Variants in UHRF2 observed in about 807,000 individuals in gnomAD.
UHRF2 encodes the protein ubiquitin like with PHD and ring finger domains 2, also known as E3 ubiquitin-protein ligase UHRF2.
Under a neutral mutation model 96.8 loss-of-function variants are expected in UHRF2, and 23 were observed. The ratio of observed to expected loss-of-function variants is 0.24; its 90% CI spans 0.17 to 0.34. The LOEUF (loss-of-function observed/expected upper bound fraction) is 0.34. UHRF2 is among the 10% of genes least tolerant of loss of function. UHRF2 has a pLI of 1.00. For missense variants in UHRF2, 685 were observed against 981.5 expected, an observed-to-expected ratio of 0.70 and a Z score of 4.04; for synonymous variants, 385 against 332.6, an observed-to-expected ratio of 1.16 and a Z score of -1.72.
At chr9:6,466,876 A>G (rs896202825) in intron 4 of UHRF2, among the ~76,000 whole-genome samples, 2 of 152,240 alleles carry the variant, frequency 1.3e-5, no homozygotes, top group African/African-American at 4.8e-5. Flanking sequence ...TTCTCTGCTC[A>G]AAAGTATCTT....
At chr9:6,440,924 A>T (rs1821124627) in intron 3 of UHRF2, among the ~76,000 whole-genome samples, 1 of 152,130 alleles carries the variant, frequency 6.6e-6, no homozygotes, top group Admixed American at 6.6e-5. Context: ...AGTTGTAATG[A>T]TTCTAATCAT....
At chr9:6,420,884 A>G (rs780914530) in intron 1 of UHRF2, 28 bp from the exon 2 acceptor site, 1 of 1,556,146 alleles carries the variant, frequency 6.4e-7, no homozygotes, top group Non-Finnish European at 8.9e-7. Flanking sequence ...TTAGAGAAGC[A>G]TTTCACTATT....
chr9:6,457,468 C>T (rs58718382), intron 3 of UHRF2, among the ~76,000 whole-genome samples: 4,056 of 152,094 alleles, frequency 0.027, 186 homozygotes, highest in African/African-American at 0.093. Context: ...ACAATTTGAC[C>T]TCCTCTTTTC....
intron 2 of UHRF2, among the ~76,000 whole-genome samples, chr9:6,421,873 AATT>A (rs1819951440): frequency 6.6e-6 from 1 of 152,120 alleles, no homozygotes; most frequent in Non-Finnish European, 1.5e-5. Context: ...TCTGTATTTG[AATT>A]TTATATAATG....
intron 8 of UHRF2, among the ~76,000 whole-genome samples, chr9:6,486,436 T>C (rs1824293921): frequency 6.6e-6 from 1 of 152,230 alleles, no homozygotes; most frequent in African/African-American, 2.4e-5. Flanking sequence ...AGGGCCACTA[T>C]CCAAGACTAG....
Position 6,498,173 on chromosome 9 carries a change from G to C in UHRF2, c.1908+15G>C. The C allele has an allele frequency of 6.2e-7, 1 of 1,611,042 alleles. No homozygotes were observed. The highest frequency in any genetic ancestry group is 8.5e-7 in the Non-Finnish European group (1 of 1,178,890). The stretch of plus-strand genomic sequence containing the variant: ...TACGTTTACAGGTTAGATTACATTT[G>C]TCTAGGCTGCCTGTGTGTTCATAAA... On this transcript the variant is annotated intron_variant, in intron 12 of 15. Coordinates refer to ENST00000276893, the MANE Select transcript of UHRF2 (RefSeq NM_152896.3).
At chr9:6,497,869 A>G (rs1825064601) in intron 11 of UHRF2, 149 bp from the exon 12 acceptor site, 1 of 935,688 alleles carries the variant, frequency 1.1e-6, no homozygotes, top group African/African-American at 1.7e-5. Flanking sequence ...AAACTGTTTT[A>G]GTGAATATTC....
At chr9:6,505,955 C>G in intron 15 of UHRF2, 78 bp from the exon 16 acceptor site, 4 of 1,488,520 alleles carry the variant, frequency 2.7e-6, no homozygotes, top group Middle Eastern at 1.8e-4. Flanking sequence ...TTTCTGGTTC[C>G]TATTTAAAAG....
At chr9:6,484,977 G>T (rs1377611813) in intron 8 of UHRF2, among the ~76,000 whole-genome samples, 1 of 151,542 alleles carries the variant, frequency 6.6e-6, no homozygotes, top group African/African-American at 2.4e-5. Context: ...ATTTTTAGTA[G>T]AGATGGGGTT....
chr9:6,502,295 G>A (rs961802196), intron 14 of UHRF2, among the ~76,000 whole-genome samples: 3 of 152,174 alleles, frequency 2.0e-5, no homozygotes, highest in Admixed American at 2.0e-4. Context: ...AAACATGCTC[G>A]ACGTCTTGAT....
chr9:6,419,530 CTT>C (rs1277457078), intron 1 of UHRF2, among the ~76,000 whole-genome samples: 1 of 151,924 alleles, frequency 6.6e-6, no homozygotes, highest in Non-Finnish European at 1.5e-5. Flanking sequence ...ACATATTTGA[CTT>C]AATGTGTTTT....
At chr9:6,500,312 A>G (rs1816219825) in intron 13 of UHRF2, among the ~76,000 whole-genome samples, 1 of 152,152 alleles carries the variant, frequency 6.6e-6, no homozygotes, top group Non-Finnish European at 1.5e-5. Context: ...ATAAATTGAG[A>G]CTTAAATGAA....
rs1452880916 is a variant in UHRF2, at chr9:6,504,656, C to A, written c.2227C>A (p.Pro743Thr). 6.2e-7 allele frequency: 1 copy of A among 1,613,758 alleles called. No homozygotes were observed. The highest frequency in any genetic ancestry group is 8.5e-7 in the Non-Finnish European group (1 of 1,179,788). ...TTGCTGTCAGGAGCTAGTTTACCAGCCTGTGACAACTGAGTGCTTCCACAA... is the reference window on the plus strand; with the variant it reads ...TTGCTGTCAGGAGCTAGTTTACCAGACTGTGACAACTGAGTGCTTCCACAA... ...CVCCQELVYQPVTTECFHNVC... is the reference protein window; with the variant it reads ...CVCCQELVYQTVTTECFHNVC... Residue 743 changes from proline to threonine, a missense_variant, in exon 15 of 16, where the codon CCT becomes ACT. Transcript: ENST00000276893.
intron 15 of UHRF2, 133 bp from the exon 16 acceptor site, chr9:6,505,900 C>G (rs1045481671): frequency 5.5e-6 from 5 of 910,922 alleles, no homozygotes; most frequent in African/African-American, 3.3e-5. Context: ...AGTGCAGATT[C>G]AAGCCTTTAT....
chr9:6,455,277 A>C (rs111822258), intron 3 of UHRF2, among the ~76,000 whole-genome samples: 1 of 151,848 alleles, frequency 6.6e-6, no homozygotes, highest in Non-Finnish European at 1.5e-5. Context: ...TCCTAATGCT[A>C]TCCCTCCCCC....
At chr9:6,437,354 T>G (rs141431937) in intron 3 of UHRF2, among the ~76,000 whole-genome samples, 2 of 152,246 alleles carry the variant, frequency 1.3e-5, no homozygotes, top group East Asian at 3.9e-4. Flanking sequence ...TGCCTCAGCC[T>G]CATGAGTACC....
intron 3 of UHRF2, among the ~76,000 whole-genome samples, chr9:6,434,898 C>T (rs1409724604): frequency 6.6e-6 from 1 of 151,922 alleles, no homozygotes; most frequent in Non-Finnish European, 1.5e-5. Context: ...CAATGTGATC[C>T]TGGCTCGCTG....
At chr9:6,475,835 A>ACTG (rs1231401285) in intron 5 of UHRF2, among the ~76,000 whole-genome samples, 11 of 152,140 alleles carry the variant, frequency 7.2e-5, no homozygotes. Flanking sequence ...AATCTGGGAA[A>ACTG]CTGGGATATT....
rs532686129 is a variant in UHRF2 at position 6,443,847 on chromosome 9, G to A, written c.644+9674G>A. Among the ~76,000 whole-genome samples the A allele has an allele frequency of 2.4e-4, 37 of 152,234 alleles. No homozygotes were observed. The South Asian group carries it at 2.7e-3, about 11-fold the overall frequency. ...ATAATTAAAAACTCATCTGGCAAAC[G>A]TCTTAAAATATGTTGTCTTTGCTCC... is the stretch of plus-strand genomic sequence containing the variant. On this transcript the variant is annotated intron_variant, in intron 3 of 15. Transcript: ENST00000276893.
Sources: allele counts gnomAD v4.1 joint callset (sites outside exome capture counted in the v4.1 genomes callset), GRCh38; gene constraint gnomAD v4.1.1; transcripts MANE v1.5; gene names NCBI Gene and HGNC (gene_info 2026-07-23, HGNC 2026-07-21).